Variants in LRBA observed in about 807,000 individuals in gnomAD.
The protein encoded by LRBA is LPS responsive beige-like anchor protein.
In LRBA, 176 loss-of-function variants were observed where a neutral mutation model predicts 330.0. The observed-to-expected ratio is 0.53, with a 90% CI of 0.47 to 0.60. The LOEUF is 0.60. Among genes scored for constraint, LRBA ranks in the 20% least tolerant of loss-of-function variants. The probability of loss-of-function intolerance (pLI) is 0.00; values close to 1 mark genes in which losing one functional copy is unlikely to be tolerated. For synonymous variants in LRBA, 1,230 were observed against 1,193.0 expected, an observed-to-expected ratio of 1.03 and a Z score of -0.64; for missense variants, 3,259 against 3,444.8, an observed-to-expected ratio of 0.95 and a Z score of 1.35.
rs1280758716 is a variant in LRBA at position 150,265,268 on chromosome 4, T to G, written c.*454A>C. ...ATTACTATTTAAATCCCAGAAATAT[T>G]AGTGCTGAAGAAGCACAGTTGTTTG... On this transcript the variant is annotated 3_prime_UTR_variant, in exon 57 of 57. Coordinates refer to ENST00000651943, the MANE Select transcript of LRBA (RefSeq NM_001364905.1). The G allele has an allele frequency of 6.4e-6, 1 of 157,054 alleles. No homozygotes were observed. The highest frequency in any genetic ancestry group is 1.4e-5 in the Non-Finnish European group (1 of 70,416). The allele number at this position is 157,054 out of a possible 1,614,324, so 9.7% of individuals were successfully genotyped here.
chr4:150,777,807 G>A (rs957815225), intron 34 of LRBA, among the ~76,000 whole-genome samples: 11 of 151,602 alleles, frequency 7.3e-5, no homozygotes, highest in Non-Finnish European at 1.0e-4. Context: ...GTGAAACCCC[G>A]TCTCTACTAA....
intron 5 of LRBA, among the ~76,000 whole-genome samples, chr4:150,918,929 CAT>C (rs2149492468): frequency 6.6e-6 from 1 of 152,224 alleles, no homozygotes; most frequent in East Asian, 1.9e-4. Flanking sequence ...CAAATTAAAA[CAT>C]ATGTCCACAC....
chr4:150,276,692 C>A (rs963531962), intron 56 of LRBA, among the ~76,000 whole-genome samples: 1 of 152,198 alleles, frequency 6.6e-6, no homozygotes, highest in East Asian at 1.9e-4. Context: ...TATCACTGGT[C>A]ATTAGAGAAA....
At chr4:150,904,378 G>C (rs779452922) in intron 13 of LRBA, among the ~76,000 whole-genome samples, 5 of 152,086 alleles carry the variant, frequency 3.3e-5, no homozygotes, top group Non-Finnish European at 5.9e-5. Flanking sequence ...ACCCCTTGTG[G>C]ATACATAAAG....
chr4:150,597,295 T>C (rs1029386234), intron 38 of LRBA, among the ~76,000 whole-genome samples: 7 of 151,918 alleles, frequency 4.6e-5, no homozygotes, highest in Admixed American at 1.3e-4. Context: ...CAAAACAATA[T>C]GATTTTAAGA....
chr4:150,643,573 T>C (rs1452361495), intron 37 of LRBA, among the ~76,000 whole-genome samples: 1 of 151,906 alleles, frequency 6.6e-6, no homozygotes, highest in African/African-American at 2.4e-5. Flanking sequence ...TACAGGAGCA[T>C]GGTATGTTTA....
chr4:150,921,019 T>C (rs1467426829), intron 5 of LRBA, among the ~76,000 whole-genome samples, 179 bp downstream of exon 5: 1 of 152,246 alleles, frequency 6.6e-6, no homozygotes, highest in Non-Finnish European at 1.5e-5. Flanking sequence ...AAGCCTCTAT[T>C]TCTTCACCTC....
At chr4:150,585,045 C>G (rs1226384307) in intron 40 of LRBA, among the ~76,000 whole-genome samples, 2 of 152,124 alleles carry the variant, frequency 1.3e-5, no homozygotes, top group African/African-American at 4.8e-5. Context: ...GATGTGCTTT[C>G]TTATGCCATA....
intron 2 of LRBA, among the ~76,000 whole-genome samples, chr4:150,934,802 A>C (rs1734903776): frequency 6.6e-6 from 1 of 152,104 alleles, no homozygotes; most frequent in Non-Finnish European, 1.5e-5. Flanking sequence ...TGAGGTCAGG[A>C]GTTTGAGATC....
intron 48 of LRBA, among the ~76,000 whole-genome samples, chr4:150,335,445 G>A (rs538257857): frequency 1.4e-4 from 20 of 141,538 alleles, no homozygotes; most frequent in Middle Eastern, 3.8e-3. Flanking sequence ...ATATATACAC[G>A]TATATATGTG....
intron 36 of LRBA, among the ~76,000 whole-genome samples, chr4:150,734,090 AATG>A (rs1730871713): frequency 6.6e-6 from 1 of 152,146 alleles, no homozygotes; most frequent in Admixed American, 6.5e-5. Flanking sequence ...AATCATTTAA[AATG>A]ATATTTAATA....
intron 35 of LRBA, among the ~76,000 whole-genome samples, chr4:150,752,983 G>A (rs992375611): frequency 2.0e-5 from 3 of 152,172 alleles, no homozygotes; most frequent in Non-Finnish European, 4.4e-5. Flanking sequence ...TTGGAATTCA[G>A]TTTATTTGGA....
rs1561106375 is a variant in LRBA, at chr4:150,389,378, TAAATAC to T, written c.7194+26054_7194+26059del. On this transcript the variant is annotated intron_variant, in intron 47 of 56. Coordinates refer to ENST00000651943, the MANE Select transcript of LRBA (RefSeq NM_001364905.1). ...CTAAATAAATAAATAAATAAATAAA[TAAATAC>T]TCCATAGGAGATTAGGTTAATATTG... 1.6e-3 allele frequency among the ~76,000 whole-genome samples: 239 copies of T among 150,660 alleles called. 4 individuals carry two copies. The highest frequency in any genetic ancestry group is 5.5e-3 in the African/African-American group (226 of 40,940).
At chr4:150,351,126 C>T (rs1737091130) in intron 47 of LRBA, among the ~76,000 whole-genome samples, 1 of 152,168 alleles carries the variant, frequency 6.6e-6, no homozygotes, top group Non-Finnish European at 1.5e-5. Flanking sequence ...GCACAAGATC[C>T]ATTTCCTATC....
chr4:150,446,489 G>C (rs1752633193), intron 44 of LRBA, among the ~76,000 whole-genome samples: 1 of 152,208 alleles, frequency 6.6e-6, no homozygotes, highest in South Asian at 2.1e-4. Context: ...CGCTTTTGGA[G>C]TAGATTATTA....
At chr4:150,416,634 TAA>T (rs57095412) in intron 46 of LRBA, among the ~76,000 whole-genome samples, 2 of 142,550 alleles carry the variant, frequency 1.4e-5, no homozygotes. Flanking sequence ...ACTGAACAAT[TAA>T]AAAAAAAAAA....
intron 2 of LRBA, among the ~76,000 whole-genome samples, chr4:150,988,611 G>A (rs951334346): frequency 3.3e-5 from 5 of 151,552 alleles, no homozygotes; most frequent in Admixed American, 6.6e-5. Context: ...ACACAGTCTC[G>A]CTCTGTCACC....
intron 56 of LRBA, among the ~76,000 whole-genome samples, chr4:150,277,457 A>C (rs1746933338): frequency 6.6e-6 from 1 of 152,158 alleles, no homozygotes; most frequent in Non-Finnish European, 1.5e-5. Flanking sequence ...AAAGCTTTGC[A>C]TCACTGTAAT....
chr4:150,796,549 T>G (rs1199550131), intron 34 of LRBA, among the ~76,000 whole-genome samples: 1 of 151,980 alleles, frequency 6.6e-6, no homozygotes, highest in African/African-American at 2.4e-5. Flanking sequence ...GATCTTCATA[T>G]CCCATTTGAT....
Sources: gnomAD v4.1 joint callset for allele counts (sites outside exome capture counted in the v4.1 genomes callset) on GRCh38, gnomAD v4.1.1 for gene constraint, MANE v1.5 for transcripts, NCBI Gene and HGNC (gene_info 2026-07-23, HGNC 2026-07-21) for gene names.